The following ADCY2 variants were observed in gnomAD, a reference collection of about 807,000 sequenced individuals.
ADCY2 encodes the protein adenylate cyclase type 2.
In ADCY2, 31 loss-of-function variants were observed where a neutral mutation model predicts 125.2. The observed-to-expected ratio is 0.25, with a 90% CI of 0.19 to 0.33. The LOEUF (loss-of-function observed/expected upper bound fraction) is 0.33, where lower values mean the gene tolerates loss of function less well. Among genes scored for constraint, ADCY2 ranks in the 10% least tolerant of loss-of-function variants. The probability of loss-of-function intolerance (pLI) is 1.00; values close to 1 mark genes in which losing one functional copy is unlikely to be tolerated. For missense variants in ADCY2, 904 were observed against 1,418.2 expected (o/e 0.64, Z 5.82); for synonymous variants, 512 against 548.4 (o/e 0.93, Z 0.93).
At chr5:7,413,833 A>C (rs766176639) in intron 1 of ADCY2, among the ~76,000 whole-genome samples, 3 of 152,216 alleles carry the variant, frequency 2.0e-5, no homozygotes, top group Non-Finnish European at 4.4e-5. Context: ...GGTCTTTGTC[A>C]TGTGGTAAGG....
At chr5:7,683,061 T>A (rs1740393921) in intron 4 of ADCY2, among the ~76,000 whole-genome samples, 1 of 152,208 alleles carries the variant, frequency 6.6e-6, no homozygotes, top group Non-Finnish European at 1.5e-5. Context: ...ATTCTCAGCC[T>A]TTTTTTCCAT....
intron 3 of ADCY2, among the ~76,000 whole-genome samples, chr5:7,606,187 G>T (rs1737368488): frequency 6.6e-6 from 1 of 152,096 alleles, no homozygotes; most frequent in Admixed American, 6.6e-5. Context: ...TTCACTTAAA[G>T]ATTTATCAAG....
At chr5:7,614,260 G>A (rs1056745447) in intron 3 of ADCY2, among the ~76,000 whole-genome samples, 3 of 152,004 alleles carry the variant, frequency 2.0e-5, no homozygotes, top group African/African-American at 7.2e-5. Flanking sequence ...TTTAAAGTTT[G>A]GTCAGCCCTC....
intron 20 of ADCY2, chr5:7,798,207 G>A (rs1339567737): frequency 6.6e-6 from 1 of 152,352 alleles, no homozygotes; most frequent in African/African-American, 2.4e-5. Flanking sequence ...GGGTAGTGAG[G>A]AGCAGGAGGG....
At chr5:7,515,793 G>T (rs1054444047) in intron 2 of ADCY2, among the ~76,000 whole-genome samples, 5 of 152,158 alleles carry the variant, frequency 3.3e-5, no homozygotes, top group Non-Finnish European at 7.3e-5. Flanking sequence ...TGGGGTCTCG[G>T]CTATGAGTGA....
chr5:7,408,083 G>A lies in ADCY2; in HGVS notation c.211-6490G>A, dbSNP rs947474648. The stretch of plus-strand genomic sequence containing the variant: ...GACGGGGTTTCACCATGTTGGCCAG[G>A]ATGGTCTTGATCTCCTGACCTCGTG... On this transcript the variant is annotated intron_variant, in intron 1 of 24. Coordinates refer to ENST00000338316, the MANE Select transcript of ADCY2 (RefSeq NM_020546.3). Among the ~76,000 whole-genome samples, 3 of 151,524 alleles carry A rather than the reference G, an allele frequency of 2.0e-5. No homozygotes were observed. The Middle Eastern group carries it at 0.011, about 534-fold the overall frequency.
intron 2 of ADCY2, among the ~76,000 whole-genome samples, chr5:7,518,418 A>T (rs1744326757): frequency 6.6e-6 from 1 of 152,212 alleles, no homozygotes. Flanking sequence ...ACGGTCTAAG[A>T]CAATACTTTT....
In ADCY2 at chr5:7,588,755, T is replaced by C. The variant is rs10475384; in HGVS notation, c.571-37412T>C. 4.1e-3 allele frequency among the ~76,000 whole-genome samples: 627 copies of C among 152,360 alleles called. 6 individuals carry two copies. Among genetic ancestry groups the C allele is most frequent in the African/African-American group, 0.014 (600 of 41,582 alleles). On this transcript the variant is annotated intron_variant, in intron 3 of 24. Transcript: ENST00000338316. ...ATTATGTTGCTTGGGAATTTTATTT[T>C]AATCATTTAAAAATGTAAAAATCAT...
At chr5:7,607,446 C>A (rs1230347596) in intron 3 of ADCY2, among the ~76,000 whole-genome samples, 1 of 152,132 alleles carries the variant, frequency 6.6e-6, no homozygotes, top group African/African-American at 2.4e-5. Context: ...AAAGTAATAA[C>A]CCACTGACAC....
At chr5:7,770,728 C>T (rs1369244864) in intron 17 of ADCY2, among the ~76,000 whole-genome samples, 1 of 152,140 alleles carries the variant, frequency 6.6e-6, no homozygotes, top group Non-Finnish European at 1.5e-5. Flanking sequence ...GTTCCTGGGG[C>T]AATTTCCTGG....
intron 4 of ADCY2, among the ~76,000 whole-genome samples, chr5:7,686,323 T>A (rs186616524): frequency 2.0e-4 from 31 of 152,352 alleles, no homozygotes; most frequent in Non-Finnish European, 3.5e-4. Context: ...TGAACTTTGA[T>A]CACTAGTACA....
chr5:7,523,134 G>C (rs1446430641), intron 3 of ADCY2, among the ~76,000 whole-genome samples: 1 of 151,938 alleles, frequency 6.6e-6, no homozygotes, highest in African/African-American at 2.4e-5. Flanking sequence ...AGATGTAATA[G>C]GACAAAAAAT....
At chr5:7,398,669 A>AG (rs911145335) in intron 1 of ADCY2, among the ~76,000 whole-genome samples, 1 of 152,194 alleles carries the variant, frequency 6.6e-6, no homozygotes, top group African/African-American at 2.4e-5. Context: ...CAAAGAGATA[A>AG]GCTGTGCAGA....
At chr5:7,430,079 C>A (rs572289203) in intron 2 of ADCY2, among the ~76,000 whole-genome samples, 40 of 152,134 alleles carry the variant, frequency 2.6e-4, no homozygotes, top group African/African-American at 8.4e-4. Flanking sequence ...ATATTATGAG[C>A]AACTCTTTCC....
In ADCY2 at chr5:7,685,356, T is replaced by C. The variant is rs187125658; in HGVS notation, c.721-5335T>C. On this transcript the variant is annotated intron_variant, in intron 4 of 24. Coordinates refer to ENST00000338316, the MANE Select transcript of ADCY2 (RefSeq NM_020546.3). The stretch of plus-strand genomic sequence containing the variant: ...ATGGACATGGAGGCCTTCAACTCCT[T>C]AGCCCAACAGACCTATTGTCCAGAT... 8 of 152,340 alleles carry C rather than the reference T, an allele frequency of 5.3e-5. No individual in the cohort carries two copies. The East Asian group carries it at 1.2e-3, about 22-fold the overall frequency. 9.4% of individuals were successfully genotyped at this position (152,340 alleles called of 1,614,324 possible).
At chr5:7,536,363 G>A (rs138070474) in intron 3 of ADCY2, among the ~76,000 whole-genome samples, 2 of 152,026 alleles carry the variant, frequency 1.3e-5, no homozygotes, top group African/African-American at 4.8e-5. Flanking sequence ...TTAGACAGGG[G>A]TGGATGGATC....
chr5:7,543,018 G>A (rs1735042564), intron 3 of ADCY2, among the ~76,000 whole-genome samples: 4 of 152,182 alleles, frequency 2.6e-5, no homozygotes, highest in Admixed American at 2.0e-4. Context: ...AGAGGGGTGT[G>A]CAGACTCTGT....
chr5:7,407,783 G>A (rs1304021720), intron 1 of ADCY2, among the ~76,000 whole-genome samples: 2 of 151,894 alleles, frequency 1.3e-5, no homozygotes, highest in Non-Finnish European at 2.9e-5. Context: ...AGTGTCCATC[G>A]TCATGTCTGA....
intron 2 of ADCY2, among the ~76,000 whole-genome samples, chr5:7,491,156 C>T (rs1743148807): frequency 2.0e-5 from 3 of 152,180 alleles, no homozygotes; most frequent in South Asian, 4.1e-4. Flanking sequence ...GGTTTATCAA[C>T]AAATTATAAT....
Sources: allele counts gnomAD v4.1 joint callset (sites outside exome capture counted in the v4.1 genomes callset), GRCh38; gene constraint gnomAD v4.1.1; transcripts MANE v1.5; gene names NCBI Gene and HGNC (gene_info 2026-07-23, HGNC 2026-07-21).